Variants in HIRA observed in about 807,000 individuals in gnomAD.
The protein encoded by HIRA is protein HIRA.
A neutral mutation model predicts 126.6 loss-of-function variants in HIRA; 13 were observed. The ratio of observed to expected loss-of-function variants is 0.10; its 90% confidence interval spans 0.07 to 0.16. The LOEUF (loss-of-function observed/expected upper bound fraction) is 0.16, where lower values mean the gene tolerates loss of function less well. Ranked by LOEUF, HIRA falls within the 10% of genes least tolerant of loss-of-function variation. The probability of loss-of-function intolerance (pLI) is 1.00; values close to 1 mark genes in which losing one functional copy is unlikely to be tolerated. For synonymous variants in HIRA, 511 were observed against 520.0 expected, an observed-to-expected ratio of 0.98 and a Z score of 0.24; for missense variants, 834 against 1,314.4, an observed-to-expected ratio of 0.63 and a Z score of 5.65.
Position 19,365,580 on chromosome 22 carries a change from C to G in HIRA, c.1776-3649G>C, listed in dbSNP as rs138008587. ...GAATATTTGAAGCCCAATGTTGACA[C>G]CTACTGCTTGGAAAAAAAGATTCCT... On this transcript the variant is annotated intron_variant, in intron 15 of 24. Transcript: ENST00000263208. Among the ~76,000 whole-genome samples the G allele has an allele frequency of 3.5e-3, 528 of 152,298 alleles. 3 individuals are homozygous for G. Among genetic ancestry groups the G allele is most frequent in the African/African-American group, 0.012 (494 of 41,560 alleles).
intron 4 of HIRA, 30 bp downstream of exon 4, chr22:19,407,153 TA>T: frequency 6.4e-7 from 1 of 1,565,456 alleles, no homozygotes; most frequent in Non-Finnish European, 8.8e-7. Flanking sequence ...CTTCTAAAAA[TA>T]AAATGTGAAG....
At chr22:19,406,578 G>C (rs1384873644) in intron 4 of HIRA, among the ~76,000 whole-genome samples, 1 of 152,166 alleles carries the variant, frequency 6.6e-6, no homozygotes, top group African/African-American at 2.4e-5. Flanking sequence ...CACAGAAAGA[G>C]TGTGCTGAGA....
chr22:19,401,285 T>C (rs962899834), intron 5 of HIRA, among the ~76,000 whole-genome samples: 2 of 152,118 alleles, frequency 1.3e-5, no homozygotes, highest in African/African-American at 4.8e-5. Context: ...TCAAATACTC[T>C]CTTCACTGTC....
chr22:19,390,665 G>A lies in HIRA; in HGVS notation c.936+1436C>T, dbSNP rs568461044. Among the ~76,000 whole-genome samples the A allele has an allele frequency of 2.2e-4, 33 of 146,864 alleles. 1 individual carries two copies. Among genetic ancestry groups the A allele is most frequent in the African/African-American group, 8.1e-4 (32 of 39,336 alleles). ...ATCGCCTCATCTCAGGGGATCCAGC[G>A]AGTGAGGAGTACTAGGCTCACAACC... On this transcript the variant is annotated intron_variant, in intron 9 of 24. Coordinates refer to ENST00000263208, the MANE Select transcript of HIRA (RefSeq NM_003325.4).
At chr22:19,421,941 G>A (rs1449032152) in intron 1 of HIRA, among the ~76,000 whole-genome samples, 2 of 152,014 alleles carry the variant, frequency 1.3e-5, no homozygotes, top group African/African-American at 4.8e-5. Flanking sequence ...CAAAGTGCTG[G>A]GATTACAGGT....
intron 7 of HIRA, among the ~76,000 whole-genome samples, chr22:19,395,519 T>A (rs2089215793): frequency 6.6e-6 from 1 of 152,140 alleles, no homozygotes; most frequent in African/African-American, 2.4e-5. Context: ...CAAGACTAAG[T>A]AAGGTAAAAA....
At chr22:19,343,401 T>A (rs28377896) in intron 24 of HIRA, among the ~76,000 whole-genome samples, 2 of 148,948 alleles carry the variant, frequency 1.3e-5, no homozygotes, top group Non-Finnish European at 3.0e-5. Context: ...AGAAAAAAAA[T>A]AAAAATAAAA....
chr22:19,409,900 G>GCCCACAGCTTCCCTA (rs1427412007), intron 2 of HIRA, among the ~76,000 whole-genome samples: 19 of 151,112 alleles, frequency 1.3e-4, no homozygotes, highest in African/African-American at 4.6e-4. Context: ...AGGCTTCCCT[G>GCCCACAGCTTCCCTA]CCCACAGCTT....
chr22:19,419,758 A>C (rs1260908026), intron 1 of HIRA, among the ~76,000 whole-genome samples: 1 of 152,206 alleles, frequency 6.6e-6, no homozygotes, highest in East Asian at 1.9e-4. Flanking sequence ...TGACAGAAGC[A>C]CTACATTCAA....
At chr22:19,335,306 G>A (rs957599767) in intron 24 of HIRA, among the ~76,000 whole-genome samples, 6 of 151,646 alleles carry the variant, frequency 4.0e-5, no homozygotes, top group Non-Finnish European at 7.4e-5. Context: ...GTGCAGTGGC[G>A]TGATCTTGGC....
intron 1 of HIRA, among the ~76,000 whole-genome samples, chr22:19,424,810 C>T (rs1015637922): frequency 7.9e-5 from 12 of 152,116 alleles, no homozygotes; most frequent in African/African-American, 1.2e-4. Context: ...TAGAGAATTT[C>T]GAGGGTAATC....
intron 1 of HIRA, 100 bp downstream of exon 1, chr22:19,431,340 G>A (rs2089536836): frequency 2.2e-6 from 3 of 1,354,296 alleles, no homozygotes; most frequent in Middle Eastern, 1.8e-4. Flanking sequence ...GGTACCGGGC[G>A]TCAGGGGCGA....
chr22:19,384,433 G>C (rs5746732), intron 12 of HIRA, among the ~76,000 whole-genome samples: 7 of 150,570 alleles, frequency 4.6e-5, no homozygotes, highest in Non-Finnish European at 5.9e-5. Context: ...TATGTCAATT[G>C]TACTTCAACA....
In HIRA at chr22:19,431,496, CCGGGCTGAGGCGAG is replaced by C; in HGVS notation, c.-34_-21del. ...CTTCATTGTTCGGCCGCCGCCGCCG[CCGGGCTGAGGCGAG>C]CGCCGGGTCCCTCAGCGCGCCCGGG... On this transcript the variant is annotated 5_prime_UTR_variant, in exon 1 of 25. Transcript: ENST00000263208. The C allele has an allele frequency of 6.3e-7, 1 of 1,591,250 alleles. No individual in the cohort carries two copies.
In HIRA at chr22:19,388,423, C is replaced by T. The variant is rs1365800691; in HGVS notation, c.1007+61G>A. 7.4e-6 allele frequency: 10 copies of T among 1,358,990 alleles called. No homozygotes were observed. The East Asian group carries it at 1.4e-4, about 19-fold the overall frequency. 84.2% of individuals were successfully genotyped at this position (1,358,990 alleles called of 1,614,324 possible). ...GACCCTAGTCACACCCAGAAGGCCT[C>T]ATGTTCCAATGTGTGGCTTCTCCTT... On this transcript the variant is annotated intron_variant, in intron 10 of 24. Coordinates refer to ENST00000263208, the MANE Select transcript of HIRA (RefSeq NM_003325.4).
chr22:19,363,226 C>G (rs1267014685), intron 15 of HIRA, among the ~76,000 whole-genome samples: 8 of 149,878 alleles, frequency 5.3e-5, no homozygotes, highest in Admixed American at 5.3e-4. Context: ...AAGTGAGATT[C>G]CGTCTCAAAA....
chr22:19,387,411 C>T (rs1412859946), intron 11 of HIRA, among the ~76,000 whole-genome samples: 2 of 152,234 alleles, frequency 1.3e-5, no homozygotes, highest in Non-Finnish European at 2.9e-5. Context: ...TGAGGAGTCA[C>T]TTCAGCTCTT....
intron 24 of HIRA, among the ~76,000 whole-genome samples, chr22:19,341,882 T>C (rs897545076): frequency 6.6e-6 from 1 of 152,204 alleles, no homozygotes; most frequent in Non-Finnish European, 1.5e-5. Flanking sequence ...CTTCTAGACA[T>C]TGGCTTAGGC....
chr22:19,343,473 G>A (rs989124567), intron 24 of HIRA, among the ~76,000 whole-genome samples: 31 of 152,150 alleles, frequency 2.0e-4, no homozygotes, highest in African/African-American at 7.2e-4. Context: ...TGAGGTGGGA[G>A]GCCCACTTGA....
Sources: gnomAD v4.1 joint callset for allele counts (sites outside exome capture counted in the v4.1 genomes callset) on GRCh38, gnomAD v4.1.1 for gene constraint, MANE v1.5 for transcripts, NCBI Gene and HGNC (gene_info 2026-07-23, HGNC 2026-07-21) for gene names.